The following FIP1L1 variants were observed in gnomAD, a reference collection of about 807,000 sequenced individuals.
The protein encoded by FIP1L1 is factor interacting with PAPOLA and CPSF1.
Under a neutral mutation model 84.6 loss-of-function variants are expected in FIP1L1, and 21 were observed. The observed-to-expected ratio is 0.25, with a 90% CI of 0.18 to 0.36. The LOEUF is 0.36. Ranked by LOEUF, FIP1L1 falls within the 10% of genes least tolerant of loss-of-function variation. The pLI, the probability that FIP1L1 is intolerant of heterozygous loss-of-function variation, is 1.00. For missense variants in FIP1L1, 526 were observed against 751.1 expected (o/e 0.70, Z 3.50); for synonymous variants, 263 against 242.3 (o/e 1.09, Z -0.80).
At chr4:53,400,602 C>T (rs1749706888) in intron 10 of FIP1L1, among the ~76,000 whole-genome samples, 1 of 152,076 alleles carries the variant, frequency 6.6e-6, no homozygotes, top group African/African-American at 2.4e-5. Context: ...ATATAGTTTT[C>T]TGTTTTTGTT....
At chr4:53,396,458 T>A (rs1747391835) in intron 9 of FIP1L1, among the ~76,000 whole-genome samples, 1 of 151,956 alleles carries the variant, frequency 6.6e-6, no homozygotes, top group Non-Finnish European at 1.5e-5. Context: ...CTAGATAGAG[T>A]TCAGTGGCGC....
At position 53,414,114 on chromosome 4, in the gene FIP1L1, A is replaced by G. The variant is rs557772718; in HGVS notation, c.816-501A>G. Reference sequence around the variant, plus strand: ...ACTTTTTTGGGAACTTTACTTTGAAAGAGTTATTTTGAAAGGGATTTTTTA... The same window carrying G: ...ACTTTTTTGGGAACTTTACTTTGAAGGAGTTATTTTGAAAGGGATTTTTTA... On this transcript the variant is annotated intron_variant, in intron 10 of 17. Coordinates refer to ENST00000337488, the MANE Select transcript of FIP1L1 (RefSeq NM_030917.4). Among the ~76,000 whole-genome samples, 6 of 152,256 alleles carry G rather than the reference A, an allele frequency of 3.9e-5. No individual in the cohort carries two copies. In the South Asian group the frequency reaches 1.0e-3, roughly 26 times the overall value.
chr4:53,379,170 A>G lies in FIP1L1; in HGVS notation c.130+53A>G, dbSNP rs773612742. ...TTTTCATAATACTAGTTTCTTTAAGAGTGGTTTCTTTATTTTGTTTGCTTA... is the reference window on the plus strand; with the variant it reads ...TTTTCATAATACTAGTTTCTTTAAGGGTGGTTTCTTTATTTTGTTTGCTTA... On this transcript the variant is annotated intron_variant, in intron 2 of 17. Coordinates refer to ENST00000337488, the MANE Select transcript of FIP1L1 (RefSeq NM_030917.4). 13 of 1,606,762 alleles carry G rather than the reference A, an allele frequency of 8.1e-6. No individual in the cohort carries two copies. The African/African-American group carries it at 1.5e-4, about 18-fold the overall frequency.
chr4:53,457,862 GGAAAA>G (rs368113247), intron 16 of FIP1L1, among the ~76,000 whole-genome samples: 7 of 152,084 alleles, frequency 4.6e-5, no homozygotes, highest in African/African-American at 1.2e-4. Flanking sequence ...GGACATGAAA[GGAAAA>G]GAAGTCTAGG....
At chr4:53,415,626 A>G (rs963934998) in intron 11 of FIP1L1, among the ~76,000 whole-genome samples, 2 of 151,954 alleles carry the variant, frequency 1.3e-5, no homozygotes, top group Non-Finnish European at 2.9e-5. Flanking sequence ...TTAAAAACTT[A>G]AAAAATACAA....
chr4:53,384,429 G>A (rs1345659145), intron 5 of FIP1L1, among the ~76,000 whole-genome samples: 1 of 151,516 alleles, frequency 6.6e-6, no homozygotes, highest in Non-Finnish European at 1.5e-5. Flanking sequence ...AAAAAAAAAA[G>A]TACTATAAAT....
At position 53,383,804 on chromosome 4, in the gene FIP1L1, G is replaced by A; in HGVS notation, c.260G>A (p.Ser87Asn). ...ACTGAGACCGAAGATGATAGTGATA[G>A]TGACAGCGATGATGATGAAGATGAT... ...KVTETEDDSD[S>N]DSDDDEDDVH... The change falls in exon 5 of 18, where the codon AGT becomes AAT. Residue 87 changes from serine (S) to asparagine (N), a missense_variant. Ser to Asn is a conservative substitution (Grantham distance 46). This residue lies in a region of FIP1L1 where 5 missense variants were observed against 23.1 expected (regional missense o/e 0.22). Transcript: ENST00000337488. The A allele has an allele frequency of 6.2e-7, 1 of 1,611,696 alleles. No individual in the cohort carries two copies. The highest frequency in any genetic ancestry group is 8.5e-7 in the Non-Finnish European group (1 of 1,177,954).
At chr4:53,390,659 A>G (rs1283322157) in intron 7 of FIP1L1, 31 bp downstream of exon 7, 8 of 1,459,622 alleles carry the variant, frequency 5.5e-6, no homozygotes, top group South Asian at 5.0e-5. Flanking sequence ...ATTAATTTCA[A>G]TATTTTCAGT....
chr4:53,387,437 A>G, intron 5 of FIP1L1, among the ~76,000 whole-genome samples: 1 of 152,236 alleles, frequency 6.6e-6, no homozygotes, highest in East Asian at 1.9e-4. Flanking sequence ...CCCACAAAAC[A>G]GATTCATTTG....
chr4:53,449,278 A>C (rs1289548808), intron 15 of FIP1L1, among the ~76,000 whole-genome samples: 1 of 152,092 alleles, frequency 6.6e-6, no homozygotes, highest in East Asian at 1.9e-4. Flanking sequence ...TAGAACCATC[A>C]GGTTAAGGAA....
chr4:53,406,492 C>T (rs74416750), intron 10 of FIP1L1, among the ~76,000 whole-genome samples: 15,384 of 152,114 alleles, frequency 0.1, 988 homozygotes, highest in East Asian at 0.16. Context: ...TTTCTCTACC[C>T]GGCTTTGGTA....
chr4:53,382,401 A>G (rs1738576291), intron 4 of FIP1L1, 66 bp downstream of exon 4: 2 of 1,339,564 alleles, frequency 1.5e-6, no homozygotes, highest in Non-Finnish European at 1.1e-6. Flanking sequence ...CAGTTTACAT[A>G]GAAAGCAAGC....
chr4:53,405,444 A>C (rs10434434), intron 10 of FIP1L1, among the ~76,000 whole-genome samples: 17,902 of 152,134 alleles, frequency 0.12, 1,139 homozygotes, highest in East Asian at 0.16. Context: ...AGGTAGCTTG[A>C]TGCCTCCAGT....
At chr4:53,423,750 G>A (rs1305404208) in intron 11 of FIP1L1, among the ~76,000 whole-genome samples, 3 of 152,110 alleles carry the variant, frequency 2.0e-5, no homozygotes, top group Non-Finnish European at 4.4e-5. Flanking sequence ...ATATATACTT[G>A]TTAAGGCTGA....
At chr4:53,405,519 A>G (rs1044940112) in intron 10 of FIP1L1, among the ~76,000 whole-genome samples, 3 of 150,752 alleles carry the variant, frequency 2.0e-5, no homozygotes, top group Non-Finnish European at 4.4e-5. Flanking sequence ...ATGAACTTTA[A>G]AGTAGTTTTT....
At chr4:53,401,919 C>G (rs1231221339) in intron 10 of FIP1L1, among the ~76,000 whole-genome samples, 1 of 151,982 alleles carries the variant, frequency 6.6e-6, no homozygotes, top group Non-Finnish European at 1.5e-5. Flanking sequence ...AATGAAACTA[C>G]AAAATGGAAT....
chr4:53,433,665 C>T (rs991932700), intron 13 of FIP1L1, among the ~76,000 whole-genome samples: 2 of 152,098 alleles, frequency 1.3e-5, no homozygotes, highest in South Asian at 2.1e-4. Context: ...TGGAATTCTG[C>T]TGAGTTGAAG....
In FIP1L1 at chr4:53,444,051, A is replaced by G; in HGVS notation, c.1233A>G (p.Gly411=). The change falls in exon 15 of 18, where the codon GGA becomes GGG. Residue 411 remains glycine (G), a synonymous_variant. Transcript: ENST00000337488. ...AATATATCTTTTTCTTCAACAGTGG[A>G]CATTCCTCTGGTTATGATAGTCGTT... ...PPSLIPTIES[G]HSSGYDSRSA... is the part of the protein sequence containing the mutation. The G allele has an allele frequency of 6.2e-7, 1 of 1,604,192 alleles. No homozygotes were observed. Among genetic ancestry groups the G allele is most frequent in the Non-Finnish European group, 8.5e-7 (1 of 1,171,796 alleles).
intron 11 of FIP1L1, among the ~76,000 whole-genome samples, chr4:53,416,790 CCT>C (rs1360221763): frequency 6.6e-6 from 1 of 151,958 alleles, no homozygotes; most frequent in Non-Finnish European, 1.5e-5. Context: ...ATGGTGAAAC[CCT>C]GTCTCTACTA....
Sources: gnomAD v4.1 joint callset for allele counts (sites outside exome capture counted in the v4.1 genomes callset) on GRCh38, gnomAD v4.1.1 for gene constraint, gnomAD v4.1.1 regional missense constraint, MANE v1.5 for transcripts, NCBI Gene and HGNC (gene_info 2026-07-23, HGNC 2026-07-21) for gene names.